Variants in VSTM2L observed in about 807,000 individuals in gnomAD.
VSTM2L encodes the protein V-set and transmembrane domain containing 2 like.
A neutral mutation model predicts 19.9 loss-of-function variants in VSTM2L; 9 were observed. That is an observed-to-expected ratio of 0.45 (90% confidence interval 0.27 to 0.79). The LOEUF is 0.79. Ranked by LOEUF, VSTM2L falls within the 30% of genes least tolerant of loss-of-function variation. The probability of loss-of-function intolerance (pLI) is 0.15; values close to 1 mark genes in which losing one functional copy is unlikely to be tolerated. For missense variants in VSTM2L, 286 were observed against 295.5 expected, an observed-to-expected ratio of 0.97 and a Z score of 0.24; for synonymous variants, 127 against 133.8, an observed-to-expected ratio of 0.95 and a Z score of 0.35.
intron 1 of VSTM2L, among the ~76,000 whole-genome samples, chr20:37,926,821 G>A (rs2072881824): frequency 6.6e-6 from 1 of 152,198 alleles, no homozygotes; most frequent in African/African-American, 2.4e-5. Flanking sequence ...ACCTGAAGCT[G>A]GCAGAGCTCA....
At chr20:37,924,883 G>C (rs1008723187) in intron 1 of VSTM2L, among the ~76,000 whole-genome samples, 1 of 152,160 alleles carries the variant, frequency 6.6e-6, no homozygotes, top group Non-Finnish European at 1.5e-5. Context: ...GAGCCTAGCA[G>C]CTGAATTTTA....
chr20:37,944,117 A>T lies in VSTM2L; in HGVS notation c.479A>T (p.Tyr160Phe). 1 of 1,611,852 alleles carries T rather than the reference A, an allele frequency of 6.2e-7. No homozygotes were observed. Among genetic ancestry groups the T allele is most frequent in the Non-Finnish European group, 8.5e-7 (1 of 1,178,902 alleles). The part of the protein sequence containing the change: ...GKARHHKVKA[Y>F]LRVQPGENSV... ...GCCCGGCACCACAAGGTCAAGGCCT[A>T]CCTGCGGGTGCAGCCAGGGGAGAAC... Residue 160 changes from tyrosine to phenylalanine, a missense_variant, in exon 4 of 4, where the codon TAC becomes TTC. Transcript: ENST00000373461.
chr20:37,909,145 G>A (rs545543517), intron 1 of VSTM2L, among the ~76,000 whole-genome samples: 1 of 152,314 alleles, frequency 6.6e-6, no homozygotes, highest in South Asian at 2.1e-4. Flanking sequence ...CTCTGGGGTG[G>A]AAGGAGTGCA....
At position 37,903,767 on chromosome 20, in the gene VSTM2L, C is replaced by T. The variant is rs75851727; in HGVS notation, c.121+296C>T. ...GAGCCACAGTCGCTGCTTTCTCACA[C>T]TCACAACTCCTACCCTGCACATCTC... On this transcript the variant is annotated intron_variant, in intron 1 of 3. Coordinates refer to ENST00000373461, the MANE Select transcript of VSTM2L (RefSeq NM_080607.3). 6.3e-3 allele frequency among the ~76,000 whole-genome samples: 959 copies of T among 152,348 alleles called. 11 individuals are homozygous for T. Among genetic ancestry groups the T allele is most frequent in the African/African-American group, 0.021 (888 of 41,584 alleles).
chr20:37,922,775 G>A lies in VSTM2L; in HGVS notation c.122-8860G>A, dbSNP rs1191002267. Among the ~76,000 whole-genome samples the A allele has an allele frequency of 2.0e-5, 3 of 152,186 alleles. No individual in the cohort carries two copies. The East Asian group carries it at 5.8e-4, about 29-fold the overall frequency. On this transcript the variant is annotated intron_variant, in intron 1 of 3. Coordinates refer to ENST00000373461, the MANE Select transcript of VSTM2L (RefSeq NM_080607.3). ...GGCTCAGAGATGGAGGGAGCTGGGG[G>A]CTGCCTGTGCTGGATGAGCCCCTGT...
intron 1 of VSTM2L, among the ~76,000 whole-genome samples, chr20:37,905,384 C>T (rs1296075461): frequency 2.0e-5 from 3 of 152,006 alleles, no homozygotes; most frequent in Middle Eastern, 3.2e-3. Flanking sequence ...AAGGTGGCTC[C>T]CCCCCATAGA....
intron 1 of VSTM2L, among the ~76,000 whole-genome samples, chr20:37,927,709 G>C (rs576530863): frequency 6.6e-6 from 1 of 152,190 alleles, no homozygotes; most frequent in Non-Finnish European, 1.5e-5. Flanking sequence ...GGCAGGGGCG[G>C]GGGGGCCGTG....
intron 3 of VSTM2L, among the ~76,000 whole-genome samples, chr20:37,941,551 C>T (rs1019186503): frequency 2.0e-5 from 3 of 152,226 alleles, no homozygotes; most frequent in African/African-American, 7.2e-5. Context: ...CGCACTTTCT[C>T]ATCCTGGCCC....
chr20:37,943,853 G>A (rs111970416), intron 3 of VSTM2L, 128 bp from the exon 4 acceptor site: 9 of 989,836 alleles, frequency 9.1e-6, no homozygotes, highest in South Asian at 5.7e-5. Context: ...TGCAAACCTC[G>A]GTGGGCCCTT....
intron 1 of VSTM2L, among the ~76,000 whole-genome samples, chr20:37,922,949 C>T (rs185153286): frequency 4.6e-4 from 69 of 149,202 alleles, no homozygotes; most frequent in African/African-American, 1.7e-3. Flanking sequence ...TCTGATGAGG[C>T]GACAAGGAAG....
At chr20:37,936,088 G>T (rs1033098584) in intron 3 of VSTM2L, among the ~76,000 whole-genome samples, 3 of 151,214 alleles carry the variant, frequency 2.0e-5, no homozygotes, top group South Asian at 2.1e-4. Flanking sequence ...TAGAGACAGG[G>T]TTTCACCATG....
At chr20:37,942,773 C>T (rs2072980125) in intron 3 of VSTM2L, among the ~76,000 whole-genome samples, 1 of 152,182 alleles carries the variant, frequency 6.6e-6, no homozygotes, top group African/African-American at 2.4e-5. Flanking sequence ...CTTTACTCTA[C>T]ATAAGTAATA....
intron 1 of VSTM2L, among the ~76,000 whole-genome samples, chr20:37,914,253 A>G (rs2072798078): frequency 1.4e-5 from 2 of 145,736 alleles, no homozygotes; most frequent in African/African-American, 2.6e-5. Context: ...ATGTGTGTGT[A>G]TATCTGTGTA....
rs1450021501 is a variant in VSTM2L, at chr20:37,912,768, C to T, written c.121+9297C>T. Among the ~76,000 whole-genome samples the T allele has an allele frequency of 3.9e-5, 6 of 152,168 alleles. No homozygotes were observed. In the East Asian group the frequency reaches 7.7e-4, roughly 20 times the overall value. ...AGCGAGCAGGGCAGCAGTGCCCACC[C>T]GTACCTGGGAAGTGCCCTCCACCGG... On this transcript the variant is annotated intron_variant, in intron 1 of 3. Transcript: ENST00000373461.
intron 1 of VSTM2L, among the ~76,000 whole-genome samples, chr20:37,914,837 C>A (rs918063181): frequency 1.3e-5 from 2 of 152,218 alleles, no homozygotes; most frequent in African/African-American, 4.8e-5. Flanking sequence ...TATGTTCCCC[C>A]AGCCCGGCAT....
At chr20:37,914,720 C>T (rs2072807304) in intron 1 of VSTM2L, among the ~76,000 whole-genome samples, 1 of 152,166 alleles carries the variant, frequency 6.6e-6, no homozygotes, top group Admixed American at 6.5e-5. Flanking sequence ...AGGCATCGGG[C>T]TCCCATTCAA....
In VSTM2L at chr20:37,933,576, C is replaced by A. The variant is rs778807470; in HGVS notation, c.329C>A (p.Ala110Glu). The A allele has an allele frequency of 6.8e-6, 11 of 1,612,964 alleles. No homozygotes were observed. Among genetic ancestry groups the A allele is most frequent in the South Asian group, 1.1e-5 (1 of 91,032 alleles). ...CAGCAGGAAGACGCAGGGAAGGAGG[C>A]AACCAAAATAAGTGTGAGTTTTGAT... ...ASQQEDAGKE[A>E]TKISVVKVVG... Residue 110 changes from alanine to glutamate, a missense_variant, in exon 3 of 4, where the codon GCA becomes GAA. Physicochemically the swap from Ala to Glu is moderately radical, Grantham distance 107. Coordinates refer to ENST00000373461, the MANE Select transcript of VSTM2L (RefSeq NM_080607.3).
chr20:37,905,245 T>C (rs1187892856), intron 1 of VSTM2L, among the ~76,000 whole-genome samples: 2 of 152,064 alleles, frequency 1.3e-5, no homozygotes, highest in Non-Finnish European at 2.9e-5. Flanking sequence ...GGGGTTTCCA[T>C]GGAGGGCCTT....
At position 37,932,337 on chromosome 20, in the gene VSTM2L, T is replaced by C. The variant is rs572231620; in HGVS notation, c.291+533T>C. Reference sequence around the variant, plus strand: ...GTACACACCTGTAGAGCAGATGCTGTGGGGGCTCTGCCCCATGCCTGGTGT... The same window carrying C: ...GTACACACCTGTAGAGCAGATGCTGCGGGGGCTCTGCCCCATGCCTGGTGT... On this transcript the variant is annotated intron_variant, in intron 2 of 3. Transcript: ENST00000373461. Among the ~76,000 whole-genome samples the C allele has an allele frequency of 3.3e-5, 5 of 152,266 alleles. No homozygotes were observed. The South Asian group carries it at 1.0e-3, about 32-fold the overall frequency.
Sources: gnomAD v4.1 joint callset for allele counts (sites outside exome capture counted in the v4.1 genomes callset) on GRCh38, gnomAD v4.1.1 for gene constraint, MANE v1.5 for transcripts, NCBI Gene and HGNC (gene_info 2026-07-23, HGNC 2026-07-21) for gene names.